Variants in MYO7B observed in about 807,000 individuals in gnomAD.
MYO7B encodes myosin VIIB.
Under a neutral mutation model 259.7 loss-of-function variants are expected in MYO7B, and 212 were observed. The ratio of observed to expected loss-of-function variants is 0.82; its 90% CI spans 0.73 to 0.91. The LOEUF (loss-of-function observed/expected upper bound fraction) is 0.91. Among genes scored for constraint, MYO7B ranks in the 40% least tolerant of loss-of-function variants. The pLI, the probability that MYO7B is intolerant of heterozygous loss-of-function variation, is 0.00. For missense variants in MYO7B, 2,732 were observed against 2,813.5 expected (o/e 0.97, Z 0.66); for synonymous variants, 1,197 against 1,166.4 (o/e 1.03, Z -0.54).
chr2:127,566,615 G>T, intron 4 of MYO7B, 28 bp from the exon 5 acceptor site: 1 of 1,536,434 alleles, frequency 6.5e-7, no homozygotes. Context: ...CAGGGGCAGA[G>T]GGCACTGACC....
rs185497698 is a variant in MYO7B, at chr2:127,583,224, C to T, written c.1343+778C>T. Among the ~76,000 whole-genome samples, 412 of 152,322 alleles carry T rather than the reference C, an allele frequency of 2.7e-3. 4 individuals carry two copies. Among genetic ancestry groups the T allele is most frequent in the African/African-American group, 9.2e-3 (382 of 41,570 alleles). ...CCTGTCTGAGGAGCCAGGGGGCTAG[C>T]CTGACCTTGCATGCCCCTGCCCAAG... On this transcript the variant is annotated intron_variant, in intron 12 of 47. Coordinates refer to ENST00000409816, the MANE Select transcript of MYO7B (RefSeq NM_001393586.1).
At position 127,633,372 on chromosome 2, in the gene MYO7B, C is replaced by T. The variant is rs369662162; in HGVS notation, c.5511+9C>T. The T allele has an allele frequency of 2.7e-5, 44 of 1,611,010 alleles. No homozygotes were observed. The highest frequency in any genetic ancestry group is 3.4e-5 in the Non-Finnish European group (40 of 1,178,618). ...CCAATGACACCAGTGAGGTGAGGCC[C>T]TGCTCTGGTCTGCACGGCAAGTCTC... is the stretch of plus-strand genomic sequence containing the variant. On this transcript the variant is annotated intron_variant, in intron 40 of 47. Coordinates refer to ENST00000409816, the MANE Select transcript of MYO7B (RefSeq NM_001393586.1).
rs1678281558 is a variant in MYO7B, at chr2:127,565,230, C to T, written c.133-3C>T. ...TCAGGGGAGTCTGCACCCATTGTTC[C>T]AGGAACACTGGATCCGAGCAGAGGA... On this transcript the variant is annotated splice_polypyrimidine_tract_variant and splice_region_variant and intron_variant, in intron 3 of 47. Coordinates refer to ENST00000409816, the MANE Select transcript of MYO7B (RefSeq NM_001393586.1). The T allele has an allele frequency of 1.2e-6, 2 of 1,613,190 alleles. No individual in the cohort carries two copies. Among genetic ancestry groups the T allele is most frequent in the African/African-American group, 1.3e-5 (1 of 75,022 alleles).
At chr2:127,564,827 A>G (rs1282154625) in intron 3 of MYO7B, among the ~76,000 whole-genome samples, 1 of 152,166 alleles carries the variant, frequency 6.6e-6, no homozygotes, top group African/African-American at 2.4e-5. Flanking sequence ...AAATAATAAC[A>G]ATATCTTCTA....
At chr2:127,589,657 AATGGGTGGGTGG>A (rs1329934566) in intron 15 of MYO7B, among the ~76,000 whole-genome samples, 2 of 58,482 alleles carry the variant, frequency 3.4e-5, no homozygotes, top group African/African-American at 7.0e-5. Flanking sequence ...TGGATGGGTG[AATGGGTGGGTGG>A]ATGGGTGGGT....
chr2:127,543,125 A>ACGGGTGT (rs1288289826), intron 1 of MYO7B, among the ~76,000 whole-genome samples: 2 of 152,202 alleles, frequency 1.3e-5, no homozygotes, highest in African/African-American at 4.8e-5. Context: ...CAGACCCTTT[A>ACGGGTGT]CGGGTGTCGG....
intron 1 of MYO7B, among the ~76,000 whole-genome samples, chr2:127,547,123 C>T (rs557914770): frequency 1.3e-4 from 20 of 152,240 alleles, no homozygotes; most frequent in Non-Finnish European, 2.2e-4. Context: ...TACCTATCCA[C>T]CCGTCCATCA....
In MYO7B at chr2:127,636,936, A is replaced by G; in HGVS notation, c.6327+23A>G. 1.2e-6 allele frequency: 2 copies of G among 1,608,064 alleles called. No homozygotes were observed. Among genetic ancestry groups the G allele is most frequent in the Non-Finnish European group, 1.7e-6 (2 of 1,179,780 alleles). On this transcript the variant is annotated intron_variant, in intron 47 of 47. Coordinates refer to ENST00000409816, the MANE Select transcript of MYO7B (RefSeq NM_001393586.1). This position sits in a 1 kb window ranked among gnomAD's most constrained non-coding sequence, Gnocchi z 4.5. ...CTGGTGAGCTCAGGTTCTTTCTCCCATCCAAGATGCATAGGACAGAGCTGC... is the reference window on the plus strand; with the variant it reads ...CTGGTGAGCTCAGGTTCTTTCTCCCGTCCAAGATGCATAGGACAGAGCTGC...
At position 127,617,497 on chromosome 2, in the gene MYO7B, T is replaced by TTTTTTTG. The variant is rs1558838584; in HGVS notation, c.3399-2837_3399-2836insGTTTTTT. Among the ~76,000 whole-genome samples the TTTTTTTG allele has an allele frequency of 2.3e-5, 3 of 129,750 alleles. No homozygotes were observed. In the East Asian group the frequency reaches 7.2e-4, roughly 31 times the overall value. 85.1% of individuals were successfully genotyped at this position (129,750 alleles called of 152,430 possible). The stretch of plus-strand genomic sequence containing the variant: ...CAGACTTGTAACGGGGTTTTTTTTT[T>TTTTTTTG]TTTTTTTTTTTTTTTTGAGACGGAG... On this transcript the variant is annotated intron_variant, in intron 26 of 47. Coordinates refer to ENST00000409816, the MANE Select transcript of MYO7B (RefSeq NM_001393586.1).
At chr2:127,629,534 C>A in intron 34 of MYO7B, 111 bp from the exon 35 acceptor site, 1 of 1,090,550 alleles carries the variant, frequency 9.2e-7, no homozygotes. Flanking sequence ...TGGTCTTCTG[C>A]CCACCACTCT....
intron 19 of MYO7B, among the ~76,000 whole-genome samples, chr2:127,604,413 C>A (rs1477319990): frequency 6.6e-6 from 1 of 152,190 alleles, no homozygotes; most frequent in Non-Finnish European, 1.5e-5. Flanking sequence ...AATGTTGTGG[C>A]TGGTTTGATC....
intron 19 of MYO7B, among the ~76,000 whole-genome samples, chr2:127,598,678 T>C (rs772685254): frequency 6.6e-6 from 1 of 152,244 alleles, no homozygotes; most frequent in Non-Finnish European, 1.5e-5. Flanking sequence ...TTTTGTGTTT[T>C]TCTAAAAGTT....
In MYO7B at chr2:127,624,276, C is replaced by T; in HGVS notation, c.4003C>T (p.Gln1335Ter). The T allele has an allele frequency of 1.9e-6, 3 of 1,590,010 alleles. No individual in the cohort carries two copies. The highest frequency in any genetic ancestry group is 2.6e-6 in the Non-Finnish European group (3 of 1,168,880). ...TGTCAGCACCGAGCTTATTTACCGC[C>T]AAGTCCTCCGAGGAGTCTGGTCTGG... ...DPVSTELIYR[Q>*]VLRGVWSGEY... The change falls in exon 30 of 48, where the codon CAA (glutamine) becomes TAA (stop). Residue 1335 changes from glutamine (Q) to a stop codon, truncating the protein, a stop_gained. Coordinates refer to ENST00000409816, the MANE Select transcript of MYO7B (RefSeq NM_001393586.1). LOFTEE classifies it high-confidence loss of function.
chr2:127,539,025 A>C lies in MYO7B; in HGVS notation c.-24+3194A>C, dbSNP rs1216365444. Among the ~76,000 whole-genome samples, 1 of 152,202 alleles carries C rather than the reference A, an allele frequency of 6.6e-6. No homozygotes were observed. Among genetic ancestry groups the C allele is most frequent in the Non-Finnish European group, 1.5e-5 (1 of 68,026 alleles). On this transcript the variant is annotated intron_variant, in intron 1 of 47. Transcript: ENST00000409816. This position sits in a 1 kb window ranked among gnomAD's most constrained non-coding sequence, Gnocchi z 4.0. Reference sequence around the variant, plus strand: ...GCAGGTGCTGGAAAACTTTCAGCACAGTGTCTGTCTGAGCTCCTACTCTGT... The same window carrying C: ...GCAGGTGCTGGAAAACTTTCAGCACCGTGTCTGTCTGAGCTCCTACTCTGT...
At chr2:127,570,073 G>A (rs1409369282) in intron 6 of MYO7B, among the ~76,000 whole-genome samples, 163 bp downstream of exon 6, 1 of 152,100 alleles carries the variant, frequency 6.6e-6, no homozygotes, top group Non-Finnish European at 1.5e-5. Context: ...GGGGAAGGGG[G>A]GCCAGGCAGC....
rs778006908 is a variant in MYO7B, at chr2:127,609,800, C to T, written c.3025-49C>T. On this transcript the variant is annotated intron_variant, in intron 23 of 47. Transcript: ENST00000409816. The surrounding 1 kb of genome is among the most constrained non-coding windows in gnomAD (Gnocchi z 6.9). ...ATGGCTCGGGGAAAGAAGGAAGGGG[C>T]CATAGTCACTGATGGGTTCCCACTG... The T allele has an allele frequency of 3.7e-6, 6 of 1,612,164 alleles. No individual in the cohort carries two copies. The African/African-American group carries it at 8.0e-5, about 22-fold the overall frequency.
chr2:127,580,913 A>C, intron 10 of MYO7B, 91 bp downstream of exon 10: 2 of 1,263,484 alleles, frequency 1.6e-6, no homozygotes, highest in South Asian at 1.3e-5. Flanking sequence ...TTATAACCCT[A>C]CCCAGGCCCC....
At chr2:127,549,780 T>C (rs1693377950) in intron 1 of MYO7B, among the ~76,000 whole-genome samples, 1 of 152,190 alleles carries the variant, frequency 6.6e-6, no homozygotes, top group African/African-American at 2.4e-5. Context: ...AGCAGGGCTA[T>C]GATCCTGGTG....
intron 5 of MYO7B, among the ~76,000 whole-genome samples, chr2:127,567,620 C>T (rs1678412001): frequency 6.6e-6 from 1 of 152,118 alleles, no homozygotes; most frequent in African/African-American, 2.4e-5. Context: ...CCCCATGCAC[C>T]CCAACTCAGT....
Sources: gnomAD v4.1 joint callset for allele counts (sites outside exome capture counted in the v4.1 genomes callset) on GRCh38, gnomAD v4.1.1 for gene constraint, Gnocchi (gnomAD v3.1) non-coding constraint, MANE v1.5 for transcripts, NCBI Gene and HGNC (gene_info 2026-07-23, HGNC 2026-07-21) for gene names.